Variants in TRAPPC9 observed in about 807,000 individuals in gnomAD.
The protein encoded by TRAPPC9 is IKK2 binding protein.
A neutral mutation model predicts 124.0 loss-of-function variants in TRAPPC9; 83 were observed. That is an observed-to-expected ratio of 0.67 (90% confidence interval 0.56 to 0.80). The LOEUF (loss-of-function observed/expected upper bound fraction) is 0.80. TRAPPC9 is among the 30% of genes least tolerant of loss of function. TRAPPC9 has a pLI of 0.00. For missense variants in TRAPPC9, 1,302 were observed against 1,508.3 expected (o/e 0.86, Z 2.27); for synonymous variants, 638 against 617.5 (o/e 1.03, Z -0.49).
intron 19 of TRAPPC9, among the ~76,000 whole-genome samples, chr8:139,926,611 A>AT (rs199883180): frequency 7.3e-5 from 11 of 151,384 alleles, no homozygotes; most frequent in South Asian, 2.1e-4. Context: ...TTAAAATAAA[A>AT]AAAAAAAAAA....
intron 17 of TRAPPC9, among the ~76,000 whole-genome samples, chr8:140,066,377 G>A (rs1842896323): frequency 6.6e-6 from 1 of 152,178 alleles, no homozygotes; most frequent in African/African-American, 2.4e-5. Context: ...GATGCCGATG[G>A]TCATCAGATG....
At chr8:140,236,209 A>G (rs1210664660) in intron 16 of TRAPPC9, among the ~76,000 whole-genome samples, 2 of 151,570 alleles carry the variant, frequency 1.3e-5, no homozygotes, top group Admixed American at 1.3e-4. Context: ...CAGCCTCCCA[A>G]GTAGCTGGGA....
chr8:140,451,310 G>T lies in TRAPPC9; in HGVS notation c.64C>A (p.Pro22Thr), dbSNP rs765861683. 11 of 1,608,390 alleles carry T rather than the reference G, an allele frequency of 6.8e-6. No homozygotes were observed. The Middle Eastern group carries it at 6.6e-4, about 97-fold the overall frequency. ...DHQTLLVVVQPVGIVSEENFF... is the reference protein window; with the variant it reads ...DHQTLLVVVQTVGIVSEENFF... Reference sequence around the variant, plus strand: ...TTCTCCTCGGAGACGATGCCCACAGGCTGGACCACCACGAGCAGCGTCTGG... The same window carrying T: ...TTCTCCTCGGAGACGATGCCCACAGTCTGGACCACCACGAGCAGCGTCTGG... The change falls in exon 2 of 23, where the codon CCT (proline) becomes ACT (threonine). Residue 22 changes from proline to threonine, a missense_variant. Around this residue, in one of 3 missense-constraint regions of TRAPPC9, gnomAD observed 657 missense variants for 811.2 expected, o/e 0.81. Coordinates refer to ENST00000438773, the MANE Select transcript of TRAPPC9 (RefSeq NM_001160372.4).
chr8:140,104,446 C>T lies in TRAPPC9; in HGVS notation c.2557-80367G>A, dbSNP rs919861745. On this transcript the variant is annotated intron_variant, in intron 17 of 22. Transcript: ENST00000438773. This position sits in a 1 kb window ranked among gnomAD's most constrained non-coding sequence, Gnocchi z 4.0. ...TCTCTGAGATACTCACAGGCCCGTG[C>T]GATAGTTGGATATCTAAGTGGGCAC... 3.9e-5 allele frequency among the ~76,000 whole-genome samples: 6 copies of T among 151,948 alleles called. No individual in the cohort carries two copies. Among genetic ancestry groups the T allele is most frequent in the Admixed American group, 1.3e-4 (2 of 15,254 alleles).
At chr8:140,319,613 T>C (rs12543384) in intron 9 of TRAPPC9, among the ~76,000 whole-genome samples, 115,641 of 151,938 alleles carry the variant, frequency 0.76, 45,009 homozygotes, top group African/African-American at 0.94. Flanking sequence ...ACTACAGGTG[T>C]GCACCACAAC....
intron 17 of TRAPPC9, among the ~76,000 whole-genome samples, chr8:140,212,335 T>C (rs1391402564): frequency 1.3e-5 from 2 of 152,246 alleles, no homozygotes; most frequent in African/African-American, 4.8e-5. Context: ...GCTTTTTCTG[T>C]CTCTTGAGAT....
At chr8:140,206,397 A>G (rs2062918305) in intron 17 of TRAPPC9, among the ~76,000 whole-genome samples, 1 of 152,136 alleles carries the variant, frequency 6.6e-6, no homozygotes, top group Non-Finnish European at 1.5e-5. Context: ...CTGAGGGGCT[A>G]TTATTTATAC....
intron 5 of TRAPPC9, among the ~76,000 whole-genome samples, chr8:140,422,106 C>G (rs2070236872): frequency 6.6e-6 from 1 of 150,764 alleles, no homozygotes; most frequent in Non-Finnish European, 1.5e-5. Flanking sequence ...TGGGTGCAAA[C>G]TCATGAGTTT....
At chr8:140,362,245 G>A (rs10110999) in intron 8 of TRAPPC9, among the ~76,000 whole-genome samples, 24,975 of 152,158 alleles carry the variant, frequency 0.16, 2,328 homozygotes, top group Middle Eastern at 0.36. Flanking sequence ...TAACACACAC[G>A]TGGATCAAGA....
intron 13 of TRAPPC9, among the ~76,000 whole-genome samples, chr8:140,285,876 G>A (rs1405051698): frequency 3.9e-5 from 6 of 152,082 alleles, no homozygotes; most frequent in South Asian, 4.1e-4. Context: ...CCTCACCTAC[G>A]ATTACACCTG....
intron 21 of TRAPPC9, among the ~76,000 whole-genome samples, chr8:139,864,607 C>T (rs1038970003): frequency 7.2e-5 from 11 of 152,316 alleles, no homozygotes; most frequent in African/African-American, 2.6e-4. Flanking sequence ...TAGCTTCCAT[C>T]TCTGTAAATG....
rs144524543 is a variant in TRAPPC9 at position 140,311,277 on chromosome 8, C to T, written c.1593G>A (p.Pro531=). 1.4e-5 allele frequency: 23 copies of T among 1,612,838 alleles called. No individual in the cohort carries two copies. In the African/African-American group the frequency reaches 2.0e-4, roughly 14 times the overall value. The change falls in exon 10 of 23, where the codon CCG becomes CCA. Residue 531 remains proline (P), a synonymous_variant. Transcript: ENST00000438773. ...IALPGGLTLP[P]VPFTKLPIVR... is the part of the protein sequence containing the mutation. ...CGATGGGAAGCTTGGTGAAGGGCAC[C>T]GGTGGCAGGGTGAGGCCGCCAGGGA...
chr8:140,049,832 C>T (rs1457308182), intron 17 of TRAPPC9, among the ~76,000 whole-genome samples: 4 of 152,258 alleles, frequency 2.6e-5, no homozygotes, highest in Middle Eastern at 3.4e-3. Flanking sequence ...CTGTGAGGTG[C>T]GAGCTTTATT....
At chr8:140,432,871 C>CA (rs749037939) in intron 4 of TRAPPC9, among the ~76,000 whole-genome samples, 100 of 132,254 alleles carry the variant, frequency 7.6e-4, no homozygotes, top group Middle Eastern at 3.9e-3. Flanking sequence ...GACTCTGTAT[C>CA]AAAAAAAAAA....
At chr8:139,929,908 C>A (rs1020799622) in intron 19 of TRAPPC9, among the ~76,000 whole-genome samples, 3 of 152,216 alleles carry the variant, frequency 2.0e-5, no homozygotes, top group Non-Finnish European at 2.9e-5. Flanking sequence ...TGCCTCAGAC[C>A]CTTCCATGTC....
chr8:139,975,927 C>CTTTTT (rs528679775), intron 19 of TRAPPC9, among the ~76,000 whole-genome samples: 31 of 95,560 alleles, frequency 3.2e-4, no homozygotes, highest in Non-Finnish European at 4.4e-4. Context: ...AAAGGACAGT[C>CTTTTT]TTTTTTTTTT....
chr8:140,099,745 C>T (rs995064197), intron 17 of TRAPPC9: 2 of 151,272 alleles, frequency 1.3e-5, no homozygotes, highest in African/African-American at 4.9e-5. Flanking sequence ...CAGCCTTCCA[C>T]AGGGTAGGAA....
At chr8:140,164,538 T>C (rs1046623498) in intron 17 of TRAPPC9, among the ~76,000 whole-genome samples, 3 of 152,228 alleles carry the variant, frequency 2.0e-5, no homozygotes, top group Non-Finnish European at 2.9e-5. Context: ...AATGGCCCAA[T>C]TTCCTCTCCC....
chr8:140,000,557 C>T (rs1838324812), intron 18 of TRAPPC9, among the ~76,000 whole-genome samples: 1 of 152,156 alleles, frequency 6.6e-6, no homozygotes, highest in Non-Finnish European at 1.5e-5. Context: ...ACAACCCCAT[C>T]AAAAAGTGGG....
Sources: allele counts gnomAD v4.1 joint callset (sites outside exome capture counted in the v4.1 genomes callset), GRCh38; gene constraint gnomAD v4.1.1; regional missense constraint gnomAD v4.1.1; non-coding constraint Gnocchi (gnomAD v3.1); transcripts MANE v1.5; gene names NCBI Gene and HGNC (gene_info 2026-07-23, HGNC 2026-07-21).